Variants in HMGCS2 observed in about 807,000 individuals in gnomAD.
HMGCS2 encodes 3-hydroxy-3-methylglutaryl-CoA synthase 2.
A neutral mutation model predicts 57.4 loss-of-function variants in HMGCS2; 50 were observed. The ratio of observed to expected loss-of-function variants is 0.87; its 90% CI spans 0.69 to 1.10. The LOEUF (loss-of-function observed/expected upper bound fraction) is 1.10, where lower values mean the gene tolerates loss of function less well. Among genes scored for constraint, HMGCS2 ranks in the 50% least tolerant of loss-of-function variants. The pLI is 0.00. For synonymous variants in HMGCS2, 254 were observed against 245.1 expected (o/e 1.04, Z -0.34); for missense variants, 627 against 636.5 (o/e 0.99, Z 0.16).
At position 119,761,569 on chromosome 1, in the gene HMGCS2, T is replaced by C. The variant is rs587665337; in HGVS notation, c.560-1580A>G. 1.3e-4 allele frequency among the ~76,000 whole-genome samples: 20 copies of C among 152,088 alleles called. No homozygotes were observed. The East Asian group carries it at 3.7e-3, about 28-fold the overall frequency. On this transcript the variant is annotated intron_variant, in intron 2 of 9. Coordinates refer to ENST00000369406, the MANE Select transcript of HMGCS2 (RefSeq NM_005518.4). ...TTGTGAGGTCAGGAGATCAAGACTA[T>C]CCTGGCTAACACGGTGAAATCCCAT...
In HMGCS2 at chr1:119,752,573, G is replaced by C. The variant is rs587606870; in HGVS notation, c.1396C>G (p.Gln466Glu). 1 of 1,613,904 alleles carries C rather than the reference G, an allele frequency of 6.2e-7. No homozygotes were observed. The highest frequency in any genetic ancestry group is 1.3e-5 in the African/African-American group (1 of 74,988). ...CCCTTATGGTAGAATTGCTCTCTTT[G>C]GTTCATTATTTCTGTGAACTCCTCA... ...SPEEFTEIMN[Q>E]REQFYHKVNF... Residue 466 changes from glutamine (Q) to glutamate (E), a missense_variant, in exon 8 of 10, where the codon CAA becomes GAA. Coordinates refer to ENST00000369406, the MANE Select transcript of HMGCS2 (RefSeq NM_005518.4).
Position 119,756,368 on chromosome 1 carries a change from T to C in HMGCS2, c.1017-771A>G, listed in dbSNP as rs750026065. Among the ~76,000 whole-genome samples the C allele has an allele frequency of 5.9e-5, 9 of 152,320 alleles. No individual in the cohort carries two copies. The South Asian group carries it at 1.9e-3, about 32-fold the overall frequency. ...TATTTTATTATTGATAATATCTTTATATATTAAAGATATTAAGCTAGTATC... is the reference window on the plus strand; with the variant it reads ...TATTTTATTATTGATAATATCTTTACATATTAAAGATATTAAGCTAGTATC... On this transcript the variant is annotated intron_variant, in intron 5 of 9. Transcript: ENST00000369406.
chr1:119,763,307 C>A (rs932142439), intron 2 of HMGCS2, among the ~76,000 whole-genome samples: 3 of 152,296 alleles, frequency 2.0e-5, no homozygotes, highest in South Asian at 4.1e-4. Context: ...TAATGCTTAT[C>A]ATGGTTTCTA....
chr1:119,755,308 C>T, intron 6 of HMGCS2, 119 bp downstream of exon 6: 1 of 1,001,644 alleles, frequency 1.0e-6, no homozygotes, highest in Non-Finnish European at 1.6e-6. Flanking sequence ...ACACCAGGCC[C>T]CTTCCTTTCT....
At chr1:119,760,786 C>T (rs1409849050) in intron 2 of HMGCS2, among the ~76,000 whole-genome samples, 1 of 152,276 alleles carries the variant, frequency 6.6e-6, no homozygotes, top group Admixed American at 6.5e-5. Context: ...TCCCAGTATT[C>T]ACCCACAGCA....
At chr1:119,755,909 A>AT (rs901516490) in intron 5 of HMGCS2, among the ~76,000 whole-genome samples, 8 of 151,282 alleles carry the variant, frequency 5.3e-5, no homozygotes, top group Non-Finnish European at 1.2e-4. Flanking sequence ...ATATATATAT[A>AT]TATTTTTTTT....
At chr1:119,750,961 G>C in intron 8 of HMGCS2, 53 bp from the exon 9 acceptor site, 1 of 1,127,612 alleles carries the variant, frequency 8.9e-7, no homozygotes, top group Non-Finnish European at 1.3e-6. Context: ...TGAGTTTTTG[G>C]AAGAGAAAAT....
rs761787433 is a variant in HMGCS2 at position 119,757,410 on chromosome 1, G to C, written c.879C>G (p.Asp293Glu). ...QAGSDRPFTL[D>E]DLQYMIFHTP... ...TATGAAAGATCATGTACTGTAAATC[G>C]TCAAGGGTGAAGGGTCGATCGCTGC... The change falls in exon 5 of 10, where the codon GAC becomes GAG. Residue 293 changes from aspartate (D) to glutamate (E), a missense_variant. By Grantham distance (45) the Asp-to-Glu change is conservative. Transcript: ENST00000369406. 1 of 1,614,052 alleles carries C rather than the reference G, an allele frequency of 6.2e-7. No homozygotes were observed. Among genetic ancestry groups the C allele is most frequent in the Non-Finnish European group, 8.5e-7 (1 of 1,179,946 alleles).
chr1:119,764,556 G>T lies in HMGCS2; in HGVS notation c.175C>A (p.Leu59Met), dbSNP rs181428774. Reference protein sequence around the residue: ...TWPKDVGILALEVYFPAQYVD... With the variant: ...TWPKDVGILAMEVYFPAQYVD... ...TATTGGGCTGGGAAGTAGACCTCCAGGGCCAGGATGCCCACGTCCTTTGGC... is the reference window on the plus strand; with the variant it reads ...TATTGGGCTGGGAAGTAGACCTCCATGGCCAGGATGCCCACGTCCTTTGGC... Residue 59 changes from leucine to methionine, a missense_variant, in exon 2 of 10, where the codon CTG becomes ATG. Physicochemically the swap from Leu to Met is conservative, Grantham distance 15 (BLOSUM62 2). Coordinates refer to ENST00000369406, the MANE Select transcript of HMGCS2 (RefSeq NM_005518.4). 193 of 1,614,204 alleles carry T rather than the reference G, an allele frequency of 1.2e-4. No homozygotes were observed. The East Asian group carries it at 3.7e-3, about 31-fold the overall frequency.
intron 9 of HMGCS2, among the ~76,000 whole-genome samples, chr1:119,749,689 G>A (rs937345774): frequency 1.3e-5 from 2 of 151,988 alleles, no homozygotes; most frequent in African/African-American, 4.8e-5. Flanking sequence ...CCCTCCACCC[G>A]CACCTCTGCT....
chr1:119,764,135 A>C, intron 2 of HMGCS2, 37 bp downstream of exon 2: 1 of 1,585,276 alleles, frequency 6.3e-7, no homozygotes, highest in South Asian at 1.1e-5. Context: ...CTCCAATTCC[A>C]GCACCTTTCT....
chr1:119,761,250 T>C (rs1386983372), intron 2 of HMGCS2, among the ~76,000 whole-genome samples: 3 of 149,332 alleles, frequency 2.0e-5, no homozygotes, highest in African/African-American at 7.3e-5. Context: ...AAAACAATAC[T>C]TTTTTCTACC....
chr1:119,768,622 C>T (rs762679030), intron 1 of HMGCS2, 119 bp downstream of exon 1: 41 of 744,136 alleles, frequency 5.5e-5, no homozygotes, highest in Non-Finnish European at 9.0e-5. Context: ...ACTTGCTTGT[C>T]TAAGGCTGCT....
intron 2 of HMGCS2, among the ~76,000 whole-genome samples, chr1:119,762,455 A>G (rs1462165935): frequency 6.6e-6 from 1 of 151,954 alleles, no homozygotes; most frequent in Non-Finnish European, 1.5e-5. Context: ...ATTTAAAAAA[A>G]AAAACACAAG....
At position 119,753,303 on chromosome 1, in the gene HMGCS2, CGAAAT is replaced by C. The variant is rs772305902; in HGVS notation, c.1266_1270del (p.Phe423SerfsTer34). 2 of 1,612,826 alleles carry C rather than the reference CGAAAT, an allele frequency of 1.2e-6. No homozygotes were observed. Among genetic ancestry groups the C allele is most frequent in the South Asian group, 1.1e-5 (1 of 90,988 alleles). On this transcript the variant is annotated frameshift_variant, in exon 7 of 10. Transcript: ENST00000369406. LOFTEE classifies it high-confidence loss of function. Reference sequence around the variant, plus strand: ...ACCTGGAGCAGCATCCTGGGATACTCGAAATGAAAAGAAACTTGCTGCTAAACCAG... The same window carrying C: ...ACCTGGAGCAGCATCCTGGGATACTCGAAAAGAAACTTGCTGCTAAACCAG...
At chr1:119,757,724 C>T (rs1652897916) in intron 4 of HMGCS2, among the ~76,000 whole-genome samples, 1 of 152,158 alleles carries the variant, frequency 6.6e-6, no homozygotes, top group Non-Finnish European at 1.5e-5. Flanking sequence ...CTTCATTTGC[C>T]AGAGGAGGAA....
Position 119,753,288 on chromosome 1 carries a change from G to C in HMGCS2, c.1286C>G (p.Ala429Gly). ...AGAAAGATGACACTCACCTGGAGCA[G>C]CATCCTGGGATACTCGAAATGAAAA... is the stretch of plus-strand genomic sequence containing the variant. ...SFFSFRVSQD[A>G]APGSPLDKLV... Residue 429 changes from alanine to glycine, a missense_variant, in exon 7 of 10, where the codon GCT becomes GGT. Coordinates refer to ENST00000369406, the MANE Select transcript of HMGCS2 (RefSeq NM_005518.4). The C allele has an allele frequency of 6.2e-7, 1 of 1,606,248 alleles. No homozygotes were observed. Among genetic ancestry groups the C allele is most frequent in the South Asian group, 1.1e-5 (1 of 90,792 alleles).
chr1:119,760,012 T>C, intron 2 of HMGCS2, 23 bp from the exon 3 acceptor site: 2 of 1,611,564 alleles, frequency 1.2e-6, no homozygotes, highest in Non-Finnish European at 1.7e-6. Context: ...ACAAGAAATA[T>C]TTACCATCAT....
Position 119,755,535 on chromosome 1 carries a change from GA to G in HMGCS2, c.1078del (p.Ser360LeufsTer57). On this transcript the variant is annotated frameshift_variant, in exon 6 of 10. Transcript: ENST00000369406. LOFTEE classifies it high-confidence loss of function. Reference protein sequence around the residue: ...KDLDKALLKASQDMFDKKTKA... With the variant: ...KDLDKALLKAXQDMFDKKTKA... ...GGTTTTCTTGTCGAACATGTCCTGA[GA>G]GGCCTTTAGAAGTGCTTTATCCAGG... 5.0e-6 allele frequency: 8 copies of G among 1,614,140 alleles called. No individual in the cohort carries two copies. Among genetic ancestry groups the G allele is most frequent in the Non-Finnish European group, 6.8e-6 (8 of 1,180,024 alleles).
Sources: gnomAD v4.1 joint callset for allele counts (sites outside exome capture counted in the v4.1 genomes callset) on GRCh38, gnomAD v4.1.1 for gene constraint, MANE v1.5 for transcripts, NCBI Gene and HGNC (gene_info 2026-07-23, HGNC 2026-07-21) for gene names.